SLC39A11: variants seen among roughly 807,000 people sequenced by gnomAD.
The protein encoded by SLC39A11 is solute carrier family 39 member 11.
In SLC39A11, 33 loss-of-function variants were observed where a neutral mutation model predicts 36.1. The ratio of observed to expected loss-of-function variants is 0.91; its 90% CI spans 0.69 to 1.22. The LOEUF is 1.22. SLC39A11 is among the 50% of genes most tolerant of loss of function. SLC39A11 has a pLI of 0.00. For missense variants in SLC39A11, 432 were observed against 430.3 expected (o/e 1.00, Z -0.03); for synonymous variants, 166 against 170.3 (o/e 0.97, Z 0.20).
At chr17:73,002,472 A>G (rs1383775765) in intron 4 of SLC39A11, among the ~76,000 whole-genome samples, 2 of 152,154 alleles carry the variant, frequency 1.3e-5, no homozygotes, top group Non-Finnish European at 1.5e-5. Flanking sequence ...ACATGTGCAA[A>G]TGTTACTGTT....
chr17:72,799,575 G>C (rs922823580), intron 6 of SLC39A11, among the ~76,000 whole-genome samples: 30 of 152,000 alleles, frequency 2.0e-4, no homozygotes, highest in African/African-American at 7.3e-4. Flanking sequence ...CATTCCTGGG[G>C]GGAGATCTAT....
chr17:72,676,083 C>CAG (rs2071247003), intron 7 of SLC39A11, among the ~76,000 whole-genome samples: 1 of 147,898 alleles, frequency 6.8e-6, no homozygotes, highest in Non-Finnish European at 1.5e-5. Context: ...CACACACACA[C>CAG]ACACACACAC....
chr17:73,015,692 C>T (rs1161085448), intron 4 of SLC39A11, among the ~76,000 whole-genome samples: 1 of 152,166 alleles, frequency 6.6e-6, no homozygotes, highest in African/African-American at 2.4e-5. Flanking sequence ...AAGCAATTCT[C>T]GTGCCTTGGC....
At chr17:72,875,973 AC>A (rs1333245029) in intron 5 of SLC39A11, among the ~76,000 whole-genome samples, 1 of 152,128 alleles carries the variant, frequency 6.6e-6, no homozygotes, top group African/African-American at 2.4e-5. Context: ...AAAAGCTGCC[AC>A]CCTTTTCCTA....
intron 4 of SLC39A11, among the ~76,000 whole-genome samples, chr17:72,976,403 G>A (rs2087852097): frequency 6.6e-6 from 1 of 151,972 alleles, no homozygotes; most frequent in Admixed American, 6.6e-5. Flanking sequence ...TCAGTCCCTA[G>A]GTCTCACACT....
intron 7 of SLC39A11, among the ~76,000 whole-genome samples, chr17:72,689,347 A>G (rs2071907544): frequency 6.6e-6 from 1 of 152,258 alleles, no homozygotes; most frequent in Admixed American, 6.5e-5. Flanking sequence ...GTCTATGTGC[A>G]GCTATAGAGG....
chr17:72,685,133 G>A (rs1335961999), intron 7 of SLC39A11, among the ~76,000 whole-genome samples: 1 of 150,568 alleles, frequency 6.6e-6, no homozygotes, highest in East Asian at 2.0e-4. Context: ...CAAATTGGGT[G>A]CCGGGGACAC....
intron 4 of SLC39A11, among the ~76,000 whole-genome samples, chr17:73,001,330 C>T (rs1339755986): frequency 6.8e-6 from 1 of 146,012 alleles, no homozygotes; most frequent in East Asian, 2.0e-4. Context: ...GGAACTAGAA[C>T]CTGACTGATA....
intron 4 of SLC39A11, among the ~76,000 whole-genome samples, chr17:73,014,677 A>G (rs2090713012): frequency 6.6e-6 from 1 of 152,208 alleles, no homozygotes; most frequent in Non-Finnish European, 1.5e-5. Context: ...GCGGATGGGC[A>G]CATACAAGCA....
At chr17:73,012,294 A>G (rs1322969619) in intron 4 of SLC39A11, among the ~76,000 whole-genome samples, 1 of 152,022 alleles carries the variant, frequency 6.6e-6, no homozygotes, top group African/African-American at 2.4e-5. Context: ...TAAAATAACT[A>G]AAAGAATATA....
chr17:73,074,259 G>C (rs1208373503), intron 3 of SLC39A11, among the ~76,000 whole-genome samples: 4 of 151,488 alleles, frequency 2.6e-5, no homozygotes, highest in African/African-American at 7.3e-5. Flanking sequence ...CTTTCCAGGG[G>C]CCCTCCTGAA....
chr17:72,650,812 T>C (rs1049130096), intron 7 of SLC39A11, among the ~76,000 whole-genome samples: 1 of 152,142 alleles, frequency 6.6e-6, no homozygotes, highest in African/African-American at 2.4e-5. Context: ...TGTAGACTGG[T>C]AGCTGGGACC....
chr17:72,872,335 G>A (rs550354623), intron 5 of SLC39A11, among the ~76,000 whole-genome samples: 6 of 152,258 alleles, frequency 3.9e-5, no homozygotes, highest in Non-Finnish European at 7.4e-5. Context: ...CCCCAGGGGC[G>A]TTGGAAGGTC....
intron 5 of SLC39A11, 86 bp downstream of exon 5, chr17:72,947,666 T>A: frequency 6.3e-7 from 1 of 1,592,822 alleles, no homozygotes; most frequent in South Asian, 1.1e-5. Context: ...TCACTATTCA[T>A]CCTACCACCA....
intron 3 of SLC39A11, among the ~76,000 whole-genome samples, chr17:73,032,059 GGGA>G (rs1429403504): frequency 6.6e-6 from 1 of 152,168 alleles, no homozygotes; most frequent in Non-Finnish European, 1.5e-5. Flanking sequence ...CTGTCACACT[GGGA>G]GGAGCGTAGG....
intron 4 of SLC39A11, among the ~76,000 whole-genome samples, chr17:73,022,566 G>C (rs1355912892): frequency 8.1e-6 from 1 of 124,170 alleles, no homozygotes; most frequent in Non-Finnish European, 1.6e-5. Context: ...TTGCACTCCA[G>C]CCTGGGAGAC....
chr17:72,995,722 C>T (rs938472665), intron 4 of SLC39A11, among the ~76,000 whole-genome samples: 7 of 152,310 alleles, frequency 4.6e-5, no homozygotes, highest in South Asian at 2.1e-4. Flanking sequence ...GAATGTTTTA[C>T]CATGAATTCC....
chr17:72,727,847 G>C (rs2073995522), intron 7 of SLC39A11, among the ~76,000 whole-genome samples: 1 of 152,108 alleles, frequency 6.6e-6, no homozygotes, highest in Non-Finnish European at 1.5e-5. Context: ...AGGTGAGGAA[G>C]TAACGGCATC....
At chr17:73,054,317 G>A (rs908618657) in intron 3 of SLC39A11, among the ~76,000 whole-genome samples, 8 of 150,180 alleles carry the variant, frequency 5.3e-5, no homozygotes, top group South Asian at 2.1e-4. Context: ...AGCCAAGATC[G>A]CCACTGCACT....
Sources: gnomAD v4.1 joint callset for allele counts (sites outside exome capture counted in the v4.1 genomes callset) on GRCh38, gnomAD v4.1.1 for gene constraint, MANE v1.5 for transcripts, NCBI Gene and HGNC (gene_info 2026-07-23, HGNC 2026-07-21) for gene names.